Variants in RANBP17 observed in about 807,000 individuals in gnomAD.
The protein encoded by RANBP17 is ran-binding protein 17.
In RANBP17, 158 loss-of-function variants were observed where a neutral mutation model predicts 141.2. That is an observed-to-expected ratio of 1.12 (90% confidence interval 0.98 to 1.28). The LOEUF (loss-of-function observed/expected upper bound fraction) is 1.28, where lower values mean the gene tolerates loss of function less well. RANBP17 is among the 50% of genes most tolerant of loss of function. The pLI is 0.00. For missense variants in RANBP17, 1,438 were observed against 1,290.7 expected, an observed-to-expected ratio of 1.11 and a Z score of -1.75; for synonymous variants, 430 against 450.0, an observed-to-expected ratio of 0.96 and a Z score of 0.56.
At chr5:171,044,676 T>C (rs1380162538) in intron 14 of RANBP17, among the ~76,000 whole-genome samples, 2 of 152,202 alleles carry the variant, frequency 1.3e-5, no homozygotes, top group Non-Finnish European at 2.9e-5. Flanking sequence ...CGTTAAACAA[T>C]AGTGTCTGGA....
chr5:171,266,226 C>T (rs968557600), intron 25 of RANBP17, among the ~76,000 whole-genome samples: 1 of 152,132 alleles, frequency 6.6e-6, no homozygotes, highest in Non-Finnish European at 1.5e-5. Context: ...TATTGGGAAA[C>T]TACAATTTGC....
At chr5:171,123,314 A>G (rs1756182927) in intron 14 of RANBP17, among the ~76,000 whole-genome samples, 2 of 152,132 alleles carry the variant, frequency 1.3e-5, no homozygotes, top group African/African-American at 4.8e-5. Flanking sequence ...ACTGCTTCCT[A>G]TGTGTACCAT....
chr5:171,025,102 C>T (rs1412777333), intron 14 of RANBP17, among the ~76,000 whole-genome samples: 1 of 152,120 alleles, frequency 6.6e-6, no homozygotes, highest in African/African-American at 2.4e-5. Context: ...AAAATTCCCC[C>T]TTCTATGTAT....
chr5:171,125,493 C>G (rs1202065040), intron 14 of RANBP17, among the ~76,000 whole-genome samples: 1 of 151,244 alleles, frequency 6.6e-6, no homozygotes, highest in Non-Finnish European at 1.5e-5. Flanking sequence ...TATATGCACT[C>G]AACAGTGGAG....
intron 24 of RANBP17, among the ~76,000 whole-genome samples, chr5:171,258,150 CACACACACA>C (rs1766042648): frequency 6.7e-6 from 1 of 149,590 alleles, no homozygotes; most frequent in South Asian, 2.1e-4. Context: ...CACACACACA[CACACACACA>C]CCCCTAGGAA....
intron 14 of RANBP17, among the ~76,000 whole-genome samples, chr5:171,128,126 C>T (rs1756630652): frequency 6.6e-6 from 1 of 152,220 alleles, no homozygotes; most frequent in East Asian, 1.9e-4. Flanking sequence ...CCACTGCACT[C>T]CAGCCTGGGT....
At chr5:170,955,246 G>T (rs1165834366) in intron 13 of RANBP17, among the ~76,000 whole-genome samples, 1 of 152,012 alleles carries the variant, frequency 6.6e-6, no homozygotes. Context: ...TGAACTGCCA[G>T]ATAGTAGGGT....
chr5:171,132,554 T>C (rs1252723336), intron 14 of RANBP17, among the ~76,000 whole-genome samples: 1 of 151,906 alleles, frequency 6.6e-6, no homozygotes, highest in East Asian at 1.9e-4. Flanking sequence ...GGACCCCATC[T>C]CTACAAAAAA....
chr5:171,015,882 T>C (rs1780392408), intron 14 of RANBP17, among the ~76,000 whole-genome samples: 1 of 152,166 alleles, frequency 6.6e-6, no homozygotes, highest in Non-Finnish European at 1.5e-5. Context: ...TTTCTGGCCT[T>C]GTATGAACCC....
At chr5:171,115,069 C>G (rs1467469990) in intron 14 of RANBP17, among the ~76,000 whole-genome samples, 2 of 151,934 alleles carry the variant, frequency 1.3e-5, no homozygotes, top group Non-Finnish European at 2.9e-5. Flanking sequence ...CCACTGCACT[C>G]CAACCTCGGT....
intron 14 of RANBP17, among the ~76,000 whole-genome samples, chr5:171,149,184 A>G (rs1328031886): frequency 6.6e-6 from 1 of 152,228 alleles, no homozygotes; most frequent in Non-Finnish European, 1.5e-5. Flanking sequence ...GATATCTACC[A>G]ACATCCACTG....
At chr5:171,227,686 C>T (rs1405618529) in intron 22 of RANBP17, among the ~76,000 whole-genome samples, 2 of 152,140 alleles carry the variant, frequency 1.3e-5, no homozygotes, top group African/African-American at 2.4e-5. Flanking sequence ...TCACAGCTAG[C>T]GAGGTGTAAA....
At chr5:170,903,470 C>T (rs916509532) in intron 5 of RANBP17, 1 of 162,656 alleles carries the variant, frequency 6.1e-6, no homozygotes, top group Non-Finnish European at 1.4e-5. Flanking sequence ...CCTGGCTTAG[C>T]CCCCTTTCCA....
chr5:170,918,923 T>C (rs1014660454), intron 10 of RANBP17, 64 bp downstream of exon 10: 1 of 1,009,924 alleles, frequency 9.9e-7, no homozygotes, highest in African/African-American at 1.7e-5. Flanking sequence ...TTGGTAAGGG[T>C]TGGTGGGGGT....
chr5:170,875,462 A>G (rs1405769418), intron 1 of RANBP17, among the ~76,000 whole-genome samples: 2 of 152,096 alleles, frequency 1.3e-5, no homozygotes, highest in Non-Finnish European at 2.9e-5. Context: ...TCAATCAGTC[A>G]TAGGTTTGGT....
intron 18 of RANBP17, among the ~76,000 whole-genome samples, chr5:171,198,532 C>T (rs1762109822): frequency 6.6e-6 from 1 of 152,170 alleles, no homozygotes; most frequent in Non-Finnish European, 1.5e-5. Flanking sequence ...CAGTGTTTTT[C>T]GAACATTCAC....
At chr5:171,284,027 A>G (rs1375098650) in intron 25 of RANBP17, among the ~76,000 whole-genome samples, 1 of 152,134 alleles carries the variant, frequency 6.6e-6, no homozygotes, top group African/African-American at 2.4e-5. Flanking sequence ...AATAATTGGG[A>G]AATGTTTGGT....
intron 27 of RANBP17, among the ~76,000 whole-genome samples, chr5:171,296,664 G>A (rs1311378134): frequency 6.6e-6 from 1 of 152,228 alleles, no homozygotes. Context: ...TGTAATCTCA[G>A]CACTTTGGGA....
At chr5:171,076,938 TGAA>T (rs1426539447) in intron 14 of RANBP17, among the ~76,000 whole-genome samples, 1 of 151,986 alleles carries the variant, frequency 6.6e-6, no homozygotes, top group Non-Finnish European at 1.5e-5. Flanking sequence ...AACAAATAAA[TGAA>T]GGAGGAAGGA....
Sources: allele counts gnomAD v4.1 joint callset (sites outside exome capture counted in the v4.1 genomes callset), GRCh38; gene constraint gnomAD v4.1.1; transcripts MANE v1.5; gene names NCBI Gene and HGNC (gene_info 2026-07-23, HGNC 2026-07-21).